Variants in CEP164 observed in about 807,000 individuals in gnomAD.
CEP164 encodes centrosomal protein of 164 kDa.
Under a neutral mutation model 182.7 loss-of-function variants are expected in CEP164, and 162 were observed. The ratio of observed to expected loss-of-function variants is 0.89; its 90% CI spans 0.78 to 1.01. CEP164 has a LOEUF of 1.01. Ranked by LOEUF, CEP164 falls within the 50% of genes least tolerant of loss-of-function variation. The pLI is 0.00. For missense variants in CEP164, 1,735 were observed against 1,790.4 expected, an observed-to-expected ratio of 0.97 and a Z score of 0.56; for synonymous variants, 661 against 690.0, an observed-to-expected ratio of 0.96 and a Z score of 0.66.
chr11:117,402,245 A>G (rs1002847547), intron 27 of CEP164, among the ~76,000 whole-genome samples: 41 of 148,334 alleles, frequency 2.8e-4, no homozygotes, highest in African/African-American at 1.0e-3. Flanking sequence ...TTTTTGAGAC[A>G]GAGTCTTGCT....
At chr11:117,371,611 C>A in intron 9 of CEP164, 145 bp downstream of exon 9, 1 of 1,020,422 alleles carries the variant, frequency 9.8e-7, no homozygotes, top group Non-Finnish European at 1.4e-6. Context: ...CAGCATCAGC[C>A]AGAGCCCTTA....
chr11:117,327,582 G>GT (rs1397625019), upstream of CEP164, among the ~76,000 whole-genome samples: 1 of 151,652 alleles, frequency 6.6e-6, no homozygotes, highest in Non-Finnish European at 1.5e-5. Context: ...AATTACAGGC[G>GT]TGAGCCACCG....
intron 4 of CEP164, among the ~76,000 whole-genome samples, chr11:117,348,641 A>C (rs1013065267): frequency 1.3e-5 from 2 of 152,230 alleles, no homozygotes; most frequent in African/African-American, 4.8e-5. Context: ...TAAAATATAT[A>C]TAACATGAAA....
At chr11:117,407,869 G>A in intron 27 of CEP164, 56 bp from the exon 28 acceptor site, 1 of 1,323,410 alleles carries the variant, frequency 7.6e-7, no homozygotes, top group South Asian at 1.3e-5. Flanking sequence ...GGCAGGGTTG[G>A]GACTCCAGCG....
At chr11:117,327,459 C>CTTTT (rs760601571), upstream of CEP164, among the ~76,000 whole-genome samples, 7 of 122,612 alleles carry the variant, frequency 5.7e-5, no homozygotes, top group East Asian at 2.3e-4. Flanking sequence ...TCGGGGTCCT[C>CTTTT]TTTTTTTTTT....
chr11:117,323,149 C>T (rs1037978687), upstream of CEP164, among the ~76,000 whole-genome samples: 1 of 152,140 alleles, frequency 6.6e-6, no homozygotes, highest in Non-Finnish European at 1.5e-5. Context: ...GATCCACTCA[C>T]CTCCACCTCC....
intron 27 of CEP164, among the ~76,000 whole-genome samples, chr11:117,398,392 G>A (rs1002662554): frequency 3.9e-5 from 6 of 152,176 alleles, no homozygotes; most frequent in Non-Finnish European, 7.3e-5. Flanking sequence ...AGCTATTGAC[G>A]GATCTACCAT....
chr11:117,323,050 G>A (rs1202973482), upstream of CEP164, among the ~76,000 whole-genome samples: 4 of 151,996 alleles, frequency 2.6e-5, no homozygotes, highest in Non-Finnish European at 5.9e-5. Flanking sequence ...ACAGGTGTGA[G>A]CCACCGCATC....
intron 1 of CEP164, among the ~76,000 whole-genome samples, chr11:117,329,838 CCTT>C (rs997069396): frequency 2.4e-5 from 2 of 83,788 alleles, no homozygotes; most frequent in African/African-American, 1.0e-4. Context: ...CTGCGCCTGG[CCTT>C]TTTTTTTTTT....
chr11:117,388,208 C>T (rs946616847), intron 15 of CEP164, among the ~76,000 whole-genome samples: 2 of 152,152 alleles, frequency 1.3e-5, no homozygotes, highest in Admixed American at 6.5e-5. Context: ...TTGCTGGCCA[C>T]CCTGAGCTTG....
At chr11:117,400,734 T>C (rs1184294364) in intron 27 of CEP164, among the ~76,000 whole-genome samples, 1 of 152,228 alleles carries the variant, frequency 6.6e-6, no homozygotes, top group Non-Finnish European at 1.5e-5. Flanking sequence ...AGGTATTTTA[T>C]TCTCTTTGTA....
intron 5 of CEP164, among the ~76,000 whole-genome samples, chr11:117,360,450 A>G (rs750061588): frequency 6.6e-6 from 1 of 152,150 alleles, no homozygotes; most frequent in Non-Finnish European, 1.5e-5. Flanking sequence ...AGCTCACTGT[A>G]GCCTCCAGCT....
At chr11:117,334,099 CTGAT>C (rs1359616811) in intron 1 of CEP164, among the ~76,000 whole-genome samples, 1 of 152,204 alleles carries the variant, frequency 6.6e-6, no homozygotes, top group East Asian at 1.9e-4. Flanking sequence ...TTCTCTGTGA[CTGAT>C]TGGTTTGTCT....
chr11:117,340,300 G>A (rs1387408420), intron 3 of CEP164, among the ~76,000 whole-genome samples: 1 of 152,244 alleles, frequency 6.6e-6, no homozygotes, highest in African/African-American at 2.4e-5. Context: ...GGGATTACAG[G>A]CATGAGCCAC....
chr11:117,344,462 C>G (rs955866971), intron 4 of CEP164, among the ~76,000 whole-genome samples, 185 bp downstream of exon 4: 5 of 152,180 alleles, frequency 3.3e-5, no homozygotes, highest in Non-Finnish European at 5.9e-5. Context: ...ACTGAATGGT[C>G]CCTGGTCCCT....
At chr11:117,396,414 A>G in intron 25 of CEP164, 136 bp from the exon 26 acceptor site, 1 of 831,346 alleles carries the variant, frequency 1.2e-6, no homozygotes, top group Non-Finnish European at 2.1e-6. Flanking sequence ...GTCAGATGAT[A>G]TCTATAAGTA....
rs778285049 is a variant in CEP164 at position 117,381,770 on chromosome 11, G to A, written c.1479G>A (p.Glu493=). Residue 493 remains glutamate, a synonymous_variant, in exon 13 of 33, where the codon GAG becomes GAA. Coordinates refer to ENST00000278935, the MANE Select transcript of CEP164 (RefSeq NM_014956.5). ...SPPRSLATEE[E]PPQGPEGQPE... ...CTCGCAGCCTGGCCACTGAAGAAGA[G>A]CCTCCCCAGGGCCCCGAGGGGCAGC... 4 of 1,602,824 alleles carry A rather than the reference G, an allele frequency of 2.5e-6. No homozygotes were observed. The African/African-American group carries it at 5.4e-5, about 21-fold the overall frequency.
At position 117,338,622 on chromosome 11, in the gene CEP164, G is replaced by A. The variant is rs904086015; in HGVS notation, c.36G>A (p.Leu12=). ...GACCCCTCCGCATAGGAGATCAGCT[G>A]GTTCTGGAAGAAGATTATGATGAGA... ...AGRPLRIGDQ[L]VLEEDYDETY... Residue 12 remains leucine, a synonymous_variant, in exon 3 of 33, where the codon CTG becomes CTA. Coordinates refer to ENST00000278935, the MANE Select transcript of CEP164 (RefSeq NM_014956.5). The A allele has an allele frequency of 1.2e-6, 2 of 1,614,128 alleles. No individual in the cohort carries two copies. Among genetic ancestry groups the A allele is most frequent in the Non-Finnish European group, 1.7e-6 (2 of 1,180,002 alleles).
chr11:117,335,128 G>T (rs487298), intron 1 of CEP164, among the ~76,000 whole-genome samples: 38,678 of 152,006 alleles, frequency 0.25, 5,048 homozygotes, highest in Admixed American at 0.29. Flanking sequence ...TCTGCCACCC[G>T]GGTTCCTGGT....
Sources: gnomAD v4.1 joint callset for allele counts (sites outside exome capture counted in the v4.1 genomes callset) on GRCh38, gnomAD v4.1.1 for gene constraint, MANE v1.5 for transcripts, NCBI Gene and HGNC (gene_info 2026-07-23, HGNC 2026-07-21) for gene names.